The following SNX29 variants were observed in gnomAD, a reference collection of about 807,000 sequenced individuals.
SNX29 encodes sorting nexin-29.
In SNX29, 78 loss-of-function variants were observed where a neutral mutation model predicts 102.1. That is an observed-to-expected ratio of 0.76 (90% CI 0.64 to 0.92). The LOEUF (loss-of-function observed/expected upper bound fraction) is 0.92. SNX29 is among the 40% of genes least tolerant of loss of function. SNX29 has a pLI of 0.00. For missense variants in SNX29, 1,280 were observed against 1,061.7 expected, an observed-to-expected ratio of 1.21 and a Z score of -2.86; for synonymous variants, 580 against 414.5, an observed-to-expected ratio of 1.40 and a Z score of -4.85.
Position 12,126,681 on chromosome 16 carries a change from T to A in SNX29, c.1451T>A (p.Leu484Gln). 6.2e-7 allele frequency: 1 copy of A among 1,613,990 alleles called. No homozygotes were observed. Reference sequence around the variant, plus strand: ...GCCATGATGAACAGGAAGGATGAGCTGGAGGAGGAGAACAGGTACCGTGAT... The same window carrying A: ...GCCATGATGAACAGGAAGGATGAGCAGGAGGAGGAGAACAGGTACCGTGAT... ...TVAMMNRKDELEEENRSLRNL... is the reference protein window; with the variant it reads ...TVAMMNRKDEQEEENRSLRNL... The change falls in exon 12 of 21, where the codon CTG (leucine) becomes CAG (glutamine). Residue 484 changes from leucine to glutamine, a missense_variant. Leu to Gln is a moderately radical substitution (Grantham distance 113). Transcript: ENST00000566228.
intron 11 of SNX29, among the ~76,000 whole-genome samples, chr16:12,125,753 G>A (rs915475107): frequency 2.0e-5 from 3 of 151,320 alleles, no homozygotes; most frequent in Non-Finnish European, 4.4e-5. Flanking sequence ...CACCGTGCCC[G>A]GCCTACATCT....
intron 4 of SNX29, among the ~76,000 whole-genome samples, chr16:12,042,565 G>A (rs1343330537): frequency 1.3e-5 from 2 of 152,148 alleles, no homozygotes; most frequent in Non-Finnish European, 2.9e-5. Context: ...CCATTTATAA[G>A]TGAGACTATC....
chr16:12,512,504 C>T (rs1298272843), intron 19 of SNX29, among the ~76,000 whole-genome samples: 1 of 150,080 alleles, frequency 6.7e-6, no homozygotes, highest in African/African-American at 2.5e-5. Context: ...GCCTTGACCT[C>T]CCATGCTCAA....
intron 3 of SNX29, among the ~76,000 whole-genome samples, chr16:12,020,116 C>G (rs1268764490): frequency 6.6e-6 from 1 of 151,774 alleles, no homozygotes; most frequent in Non-Finnish European, 1.5e-5. Flanking sequence ...AATATTTAGG[C>G]AGTTTCTAAA....
intron 13 of SNX29, among the ~76,000 whole-genome samples, chr16:12,164,183 C>T (rs139403488): frequency 5.9e-4 from 90 of 152,108 alleles, no homozygotes; most frequent in African/African-American, 1.8e-3. Context: ...AGGGCATATG[C>T]AAAGGCCCTG....
At chr16:12,497,489 T>A (rs1164860264) in intron 19 of SNX29, among the ~76,000 whole-genome samples, 1 of 152,186 alleles carries the variant, frequency 6.6e-6, no homozygotes, top group African/African-American at 2.4e-5. Context: ...AAAGTCAAAC[T>A]ATTTTTAATC....
chr16:12,337,924 G>A (rs182730990), intron 15 of SNX29, among the ~76,000 whole-genome samples: 1 of 152,272 alleles, frequency 6.6e-6, no homozygotes, highest in East Asian at 1.9e-4. Flanking sequence ...GGAACGGTCG[G>A]GTGACACTTC....
intron 18 of SNX29, among the ~76,000 whole-genome samples, chr16:12,423,583 C>A (rs1351205523): frequency 6.6e-6 from 1 of 152,026 alleles, no homozygotes; most frequent in Non-Finnish European, 1.5e-5. Context: ...TCTTCTTCTT[C>A]TTCTCGAGAT....
chr16:12,481,027 A>G (rs987432093), intron 19 of SNX29, among the ~76,000 whole-genome samples: 8 of 152,282 alleles, frequency 5.3e-5, no homozygotes, highest in South Asian at 4.1e-4. Context: ...TAGAGAGACA[A>G]TCTGTCCCTG....
At chr16:12,552,849 G>T (rs182600493) in intron 20 of SNX29, among the ~76,000 whole-genome samples, 1 of 152,310 alleles carries the variant, frequency 6.6e-6, no homozygotes, top group East Asian at 1.9e-4. Context: ...GAGAGGAGAG[G>T]GTGTGGCAGA....
chr16:12,129,595 A>G, intron 12 of SNX29, 35 bp from the exon 13 acceptor site: 1 of 1,582,430 alleles, frequency 6.3e-7, no homozygotes, highest in Non-Finnish European at 8.6e-7. Flanking sequence ...GTCTGGGTTG[A>G]CAGCTTCTGA....
chr16:12,539,782 AATG>A (rs1475161801), intron 20 of SNX29, among the ~76,000 whole-genome samples: 1 of 152,228 alleles, frequency 6.6e-6, no homozygotes, highest in African/African-American at 2.4e-5. Context: ...CCTAATGAGT[AATG>A]ATGTTGAGCA....
intron 15 of SNX29, among the ~76,000 whole-genome samples, chr16:12,303,400 C>A (rs575059607): frequency 6.6e-6 from 1 of 152,300 alleles, no homozygotes; most frequent in Non-Finnish European, 1.5e-5. Flanking sequence ...GAAATCAACA[C>A]AGCAAGGAAA....
chr16:12,562,148 C>A (rs938185836), intron 20 of SNX29, among the ~76,000 whole-genome samples: 1 of 152,144 alleles, frequency 6.6e-6, no homozygotes, highest in Non-Finnish European at 1.5e-5. Context: ...CTGGCAATAC[C>A]AGGTCTGTGG....
intron 13 of SNX29, among the ~76,000 whole-genome samples, chr16:12,136,580 T>G (rs938894447): frequency 1.3e-5 from 2 of 152,166 alleles, no homozygotes; most frequent in African/African-American, 4.8e-5. Context: ...CTCTCCATCT[T>G]CCCTTGGCGC....
At chr16:12,511,214 C>T (rs1567637498) in intron 19 of SNX29, among the ~76,000 whole-genome samples, 1 of 152,096 alleles carries the variant, frequency 6.6e-6, no homozygotes, top group African/African-American at 2.4e-5. Flanking sequence ...AGCAAAGCCG[C>T]AGGTCTCCTG....
At chr16:12,111,449 C>T (rs111775825) in intron 11 of SNX29, among the ~76,000 whole-genome samples, 2,361 of 152,316 alleles carry the variant, frequency 0.016, 53 homozygotes, top group African/African-American at 0.054. Flanking sequence ...CAAGTTCCTT[C>T]TTACCTCAGA....
At chr16:12,389,205 TCA>T (rs1362217129) in intron 16 of SNX29, among the ~76,000 whole-genome samples, 11 of 152,302 alleles carry the variant, frequency 7.2e-5, no homozygotes, top group African/African-American at 2.6e-4. Flanking sequence ...GACCTGTGCC[TCA>T]GTTTCCCTGG....
intron 15 of SNX29, among the ~76,000 whole-genome samples, chr16:12,323,390 G>A (rs1031910449): frequency 9.2e-5 from 14 of 151,908 alleles, no homozygotes; most frequent in Non-Finnish European, 1.8e-4. Flanking sequence ...TTTACCTAAA[G>A]TAAACTCATT....
Sources: allele counts gnomAD v4.1 joint callset (sites outside exome capture counted in the v4.1 genomes callset), GRCh38; gene constraint gnomAD v4.1.1; transcripts MANE v1.5; gene names NCBI Gene and HGNC (gene_info 2026-07-23, HGNC 2026-07-21).